The following USP40 variants were observed in gnomAD, a reference collection of about 807,000 sequenced individuals.
The protein encoded by USP40 is ubiquitin carboxyl-terminal hydrolase 40.
Under a neutral mutation model 166.2 loss-of-function variants are expected in USP40, and 143 were observed. The ratio of observed to expected loss-of-function variants is 0.86; its 90% confidence interval spans 0.75 to 0.99. The LOEUF is 0.99. Ranked by LOEUF, USP40 falls within the 50% of genes least tolerant of loss-of-function variation. The probability of loss-of-function intolerance (pLI) is 0.00; values close to 1 mark genes in which losing one functional copy is unlikely to be tolerated. For synonymous variants in USP40, 498 were observed against 524.0 expected, an observed-to-expected ratio of 0.95 and a Z score of 0.68; for missense variants, 1,444 against 1,479.7, an observed-to-expected ratio of 0.98 and a Z score of 0.40.
In USP40 at chr2:233,554,471, G is replaced by C; in HGVS notation, c.602C>G (p.Ala201Gly). The C allele has an allele frequency of 6.2e-7, 1 of 1,612,978 alleles. No individual in the cohort carries two copies. The highest frequency in any genetic ancestry group is 8.5e-7 in the Non-Finnish European group (1 of 1,179,562). ...AVKNVSGLED[A>G]LWNMYVEEEV... ...CTCTTCTACATACATGTTCCAGAGA[G>C]CATCTTCCAAACCGGATACATTTTT... is the stretch of plus-strand genomic sequence containing the variant. Residue 201 changes from alanine to glycine, a missense_variant, in exon 6 of 32, where the codon GCT becomes GGT. Transcript: ENST00000678225.
In USP40 at chr2:233,491,199, C is replaced by T; in HGVS notation, c.2980G>A (p.Glu994Lys). ...LLYLGDIEIS[E>K]DATLAELKSQ... ...TTCAGCTCCGCCAGCGTGGCATCTT[C>T]TGAGATCTCTATGTCTCCCAAGTAG... Residue 994 changes from glutamate to lysine, a missense_variant, in exon 26 of 32, where the codon GAA becomes AAA. By Grantham distance (56) the Glu-to-Lys change is moderately conservative (BLOSUM62 1). Coordinates refer to ENST00000678225, the MANE Select transcript of USP40 (RefSeq NM_001365479.2). The T allele has an allele frequency of 1.2e-6, 2 of 1,611,286 alleles. No homozygotes were observed. Among genetic ancestry groups the T allele is most frequent in the Non-Finnish European group, 1.7e-6 (2 of 1,178,808 alleles).
intron 7 of USP40, among the ~76,000 whole-genome samples, chr2:233,549,579 A>C (rs1361459743): frequency 6.6e-6 from 1 of 152,016 alleles, no homozygotes; most frequent in Non-Finnish European, 1.5e-5. Context: ...AGCAAGAGAA[A>C]CCCATCTTCG....
chr2:233,559,496 T>C (rs543130097), intron 4 of USP40, among the ~76,000 whole-genome samples: 14 of 152,336 alleles, frequency 9.2e-5, no homozygotes, highest in Non-Finnish European at 2.1e-4. Flanking sequence ...GTAATCTCCA[T>C]GTAATCGGTG....
intron 30 of USP40, 137 bp from the exon 31 acceptor site, chr2:233,481,434 TA>T (rs1283345430): frequency 9.3e-6 from 7 of 751,624 alleles, no homozygotes; most frequent in Non-Finnish European, 1.3e-5. Flanking sequence ...AATAACTGAT[TA>T]AAAAAAATCC....
At chr2:233,495,903 T>C (rs558495305) in intron 24 of USP40, among the ~76,000 whole-genome samples, 4 of 152,246 alleles carry the variant, frequency 2.6e-5, no homozygotes, top group Non-Finnish European at 5.9e-5. Context: ...TGTGCTGATA[T>C]GAGGAGCTCC....
chr2:233,491,561 C>T (rs1358314778), intron 25 of USP40, among the ~76,000 whole-genome samples: 1 of 151,838 alleles, frequency 6.6e-6, no homozygotes, highest in Non-Finnish European at 1.5e-5. Context: ...TGTATGTTAG[C>T]TTCCTGTTTC....
chr2:233,564,216 A>G (rs892424674), intron 2 of USP40, among the ~76,000 whole-genome samples: 1 of 152,192 alleles, frequency 6.6e-6, no homozygotes, highest in African/African-American at 2.4e-5. Context: ...CTAAGCTTAG[A>G]AGCAACAGAA....
At chr2:233,528,165 G>C (rs2068201098) in intron 12 of USP40, among the ~76,000 whole-genome samples, 1 of 152,112 alleles carries the variant, frequency 6.6e-6, no homozygotes, top group African/African-American at 2.4e-5. Context: ...TTTTGGTAGA[G>C]ATGGGGTTTC....
At chr2:233,516,986 C>G (rs999335184) in intron 18 of USP40, among the ~76,000 whole-genome samples, 21 of 152,168 alleles carry the variant, frequency 1.4e-4, no homozygotes, top group African/African-American at 4.8e-4. Context: ...AGGTCTTGCA[C>G]ATATTTTGTT....
chr2:233,559,718 A>G, intron 4 of USP40, 93 bp downstream of exon 4: 1 of 832,994 alleles, frequency 1.2e-6, no homozygotes, highest in South Asian at 2.2e-5. Flanking sequence ...TTGAGACCCT[A>G]AGACAAAATT....
chr2:233,560,899 C>CAA (rs2071526660), intron 3 of USP40: 14 of 614,510 alleles, frequency 2.3e-5, no homozygotes, highest in Non-Finnish European at 4.1e-5. Context: ...CAAATATTTC[C>CAA]TTCACCAGAA....
At chr2:233,551,226 A>G in intron 7 of USP40, 150 bp downstream of exon 7, 5 of 878,812 alleles carry the variant, frequency 5.7e-6, no homozygotes, top group Non-Finnish European at 8.4e-6. Context: ...TGCATGAGAC[A>G]GTCTCCCACA....
At chr2:233,562,897 G>GGTGAC in intron 2 of USP40, 94 bp from the exon 3 acceptor site, 1 of 883,440 alleles carries the variant, frequency 1.1e-6, no homozygotes, top group Non-Finnish European at 1.7e-6. Context: ...GTAAAATCAA[G>GGTGAC]TAGATTCAGA....
chr2:233,511,795 G>T lies in USP40; in HGVS notation c.2440C>A (p.Pro814Thr). The T allele has an allele frequency of 6.2e-7, 1 of 1,601,772 alleles. No individual in the cohort carries two copies. The highest frequency in any genetic ancestry group is 8.5e-7 in the Non-Finnish European group (1 of 1,174,404). The change falls in exon 20 of 32, where the codon CCG becomes ACG. Residue 814 changes from proline to threonine, a missense_variant and splice_region_variant. By Grantham distance (38) the Pro-to-Thr change is conservative. Transcript: ENST00000678225. ...GCTTCCTTCAAAGTATAGCTGTCCGGCACTTAAAAAAATTTTGATAATATG... is the reference window on the plus strand; with the variant it reads ...GCTTCCTTCAAAGTATAGCTGTCCGTCACTTAAAAAAATTTTGATAATATG... ...DRNGKLLCPV[P>T]DSYTLKEAEL...
At position 233,559,931 on chromosome 2, in the gene USP40, G is replaced by A. The variant is rs772216657; in HGVS notation, c.268-7C>T. 28 of 1,586,174 alleles carry A rather than the reference G, an allele frequency of 1.8e-5. No homozygotes were observed. The highest frequency in any genetic ancestry group is 2.4e-5 in the Non-Finnish European group (28 of 1,163,942). The stretch of plus-strand genomic sequence containing the variant: ...GTAAAGGGATGATTCGAACCTGAAT[G>A]AGAAACAAACACATTTCTAAATGAA... On this transcript the variant is annotated splice_polypyrimidine_tract_variant and splice_region_variant and intron_variant, in intron 3 of 31. Coordinates refer to ENST00000678225, the MANE Select transcript of USP40 (RefSeq NM_001365479.2).
Position 233,566,682 on chromosome 2 carries a change from A to T in USP40, c.-20+2T>A. On this transcript the variant is annotated splice_donor_variant, in intron 1 of 31. Coordinates refer to ENST00000678225, the MANE Select transcript of USP40 (RefSeq NM_001365479.2). LOFTEE classifies it low-confidence loss of function (5UTR_SPLICE). ...GGATCCCCGGGCGCCAGCCGCACTTACTGCCTAAAGCCCAGACCCCCGCCC... is the reference window on the plus strand; with the variant it reads ...GGATCCCCGGGCGCCAGCCGCACTTTCTGCCTAAAGCCCAGACCCCCGCCC... 1 of 986,186 alleles carries T rather than the reference A, an allele frequency of 1.0e-6. No homozygotes were observed. Among genetic ancestry groups the T allele is most frequent in the South Asian group, 4.7e-5 (1 of 21,294 alleles). 61.1% of individuals were successfully genotyped at this position (986,186 alleles called of 1,614,324 possible).
Position 233,521,025 on chromosome 2 carries a change from T to C in USP40, c.2291A>G (p.Glu764Gly). The C allele has an allele frequency of 6.2e-7, 1 of 1,613,560 alleles. No homozygotes were observed. Among genetic ancestry groups the C allele is most frequent in the Non-Finnish European group, 8.5e-7 (1 of 1,179,684 alleles). Reference protein sequence around the residue: ...VKNLCQLESEEKQVKISATVN... With the variant: ...VKNLCQLESEGKQVKISATVN... ...AGTTGCTGATATTTTAACTTGCTTC[T>C]CTTCAGATTCTAACTGGCATAAATT... The change falls in exon 17 of 32, where the codon GAG becomes GGG. Residue 764 changes from glutamate to glycine, a missense_variant. Physicochemically the swap from Glu to Gly is moderately conservative, Grantham distance 98. Coordinates refer to ENST00000678225, the MANE Select transcript of USP40 (RefSeq NM_001365479.2).
chr2:233,489,369 G>A lies in USP40; in HGVS notation c.3127C>T (p.Leu1043Phe). The change falls in exon 27 of 32, where the codon CTC becomes TTC. Residue 1043 changes from leucine to phenylalanine, a missense_variant. Transcript: ENST00000678225. Reference protein sequence around the residue: ...GRLLRTDRQPLREYKLGRRIE... With the variant: ...GRLLRTDRQPFREYKLGRRIE... The stretch of plus-strand genomic sequence containing the variant: ...TGCGTCCAGCAAGGAACCTACCTGA[G>A]TGGCTGCCGGTCAGTTCGTAAAAGC... The A allele has an allele frequency of 6.3e-7, 1 of 1,587,198 alleles. No individual in the cohort carries two copies. The highest frequency in any genetic ancestry group is 8.6e-7 in the Non-Finnish European group (1 of 1,166,826).
chr2:233,478,100 G>A (rs568471301), intron 31 of USP40, among the ~76,000 whole-genome samples: 96 of 152,396 alleles, frequency 6.3e-4, no homozygotes, highest in African/African-American at 2.3e-3. Flanking sequence ...CCATCCCACT[G>A]CTGAGCAGCC....
Sources: allele counts gnomAD v4.1 joint callset (sites outside exome capture counted in the v4.1 genomes callset), GRCh38; gene constraint gnomAD v4.1.1; transcripts MANE v1.5; gene names NCBI Gene and HGNC (gene_info 2026-07-23, HGNC 2026-07-21).